The following KLHL13 variants were observed in gnomAD, a reference collection of about 807,000 sequenced individuals.
The protein encoded by KLHL13 is kelch-like protein 13.
A neutral mutation model predicts 37.1 loss-of-function variants in KLHL13; 10 were observed. The ratio of observed to expected loss-of-function variants is 0.27; its 90% CI spans 0.17 to 0.46. The LOEUF (loss-of-function observed/expected upper bound fraction) is 0.46. Ranked by LOEUF, KLHL13 falls within the 20% of genes least tolerant of loss-of-function variation. KLHL13 has a pLI of 1.00. For missense variants in KLHL13, 360 were observed against 509.3 expected (o/e 0.71, Z 2.82); for synonymous variants, 163 against 181.2 (o/e 0.90, Z 0.81).
In KLHL13 at chrX:117,920,374, C is replaced by T; in HGVS notation, c.241-4G>A. 1 of 1,202,392 alleles carries T rather than the reference C, an allele frequency of 8.3e-7. No individual in the cohort carries two copies. Among genetic ancestry groups the T allele is most frequent in the Non-Finnish European group, 1.1e-6 (1 of 892,332 alleles). ...CAAGTCGAAGCTGGTCAAAGCCCTA[C>T]AACAAGAACATGAGTTGAGTCACTA... On this transcript the variant is annotated splice_region_variant and splice_polypyrimidine_tract_variant and intron_variant, in intron 2 of 6. Coordinates refer to ENST00000262820, the Ensembl canonical transcript of KLHL13.
chrX:118,095,233 T>C (rs1476299109), intron 1 of KLHL13, among the ~76,000 whole-genome samples: 6 of 109,905 alleles, frequency 5.5e-5, no homozygotes, highest in Non-Finnish European at 1.1e-4. Flanking sequence ...AAGGCAGGGG[T>C]TGCAATCCTA....
chrX:117,909,492 T>C (rs1930820697), exon 5 of KLHL13: 2 of 1,210,992 alleles, frequency 1.7e-6, no homozygotes, highest in Non-Finnish European at 2.2e-6. Context: ...GCCAACCACA[T>C]AGAGAAAATT....
intron 1 of KLHL13, among the ~76,000 whole-genome samples, chrX:118,050,639 AT>A (rs1305127705): frequency 2.7e-5 from 3 of 111,041 alleles, no homozygotes; most frequent in African/African-American, 9.8e-5. Context: ...TAATTAAGGA[AT>A]TAAGAAATTA....
At chrX:118,108,157 A>C (rs1442596448) in intron 1 of KLHL13, among the ~76,000 whole-genome samples, 1 of 112,307 alleles carries the variant, frequency 8.9e-6, no homozygotes, top group Non-Finnish European at 1.9e-5. Context: ...ACCAAGAAAG[A>C]AAACTCTACA....
intron 1 of KLHL13, among the ~76,000 whole-genome samples, chrX:118,062,611 T>C (rs764541826): frequency 2.7e-4 from 30 of 110,832 alleles, no homozygotes; most frequent in African/African-American, 9.5e-4. Context: ...AGTTGGGCCC[T>C]CACAGTCATA....
chrX:118,022,848 G>A (rs1461457981), intron 1 of KLHL13, among the ~76,000 whole-genome samples: 1 of 111,056 alleles, frequency 9.0e-6, no homozygotes, highest in African/African-American at 3.3e-5. Flanking sequence ...GTCCCAACTT[G>A]TTTATTTTTG....
intron 1 of KLHL13, among the ~76,000 whole-genome samples, chrX:118,007,515 C>T (rs1454545884): frequency 9.0e-6 from 1 of 111,212 alleles, no homozygotes; most frequent in Non-Finnish European, 1.9e-5. Context: ...CATCCAGGCA[C>T]AGCTCTTCCT....
At chrX:118,028,246 A>C (rs1223157353) in intron 1 of KLHL13, among the ~76,000 whole-genome samples, 178 bp downstream of exon 2, 1 of 111,776 alleles carries the variant, frequency 8.9e-6, no homozygotes, top group Non-Finnish European at 1.9e-5. Context: ...CTCAGGAAAC[A>C]TTGTCACTAA....
chrX:118,048,013 A>G (rs2054576967), intron 1 of KLHL13, among the ~76,000 whole-genome samples: 1 of 111,366 alleles, frequency 9.0e-6, no homozygotes, highest in African/African-American at 3.3e-5. Flanking sequence ...ACAGAGAGGC[A>G]ACTGGAGACC....
chrX:118,101,249 A>G (rs539182207), intron 1 of KLHL13, among the ~76,000 whole-genome samples: 4 of 112,042 alleles, frequency 3.6e-5, no homozygotes, highest in Middle Eastern at 4.6e-3. Flanking sequence ...CAGTTTCCAG[A>G]TGGTAAATAG....
At chrX:118,115,034 A>G (rs1209013648) in intron 1 of KLHL13, among the ~76,000 whole-genome samples, 1 of 112,409 alleles carries the variant, frequency 8.9e-6, no homozygotes, top group Non-Finnish European at 1.9e-5. Flanking sequence ...CAATTAGTGC[A>G]CACTGTGTCA....
At chrX:117,996,217 A>G (rs2147956376) in intron 1 of KLHL13, among the ~76,000 whole-genome samples, 1 of 112,082 alleles carries the variant, frequency 8.9e-6, no homozygotes, top group South Asian at 3.8e-4. Flanking sequence ...TGAAAATACA[A>G]ATTTCAAATA....
intron 1 of KLHL13, among the ~76,000 whole-genome samples, chrX:118,066,658 A>G (rs1326012176): frequency 9.0e-6 from 1 of 111,387 alleles, no homozygotes; most frequent in African/African-American, 3.3e-5. Context: ...ATCAAATTAC[A>G]ATATTTTGTT....
chrX:117,969,462 C>T (rs760809348), intron 1 of KLHL13, among the ~76,000 whole-genome samples: 4 of 111,704 alleles, frequency 3.6e-5, no homozygotes, highest in African/African-American at 9.7e-5. Context: ...ATGGTTTGCA[C>T]CTGTCAGGGG....
chrX:118,070,862 C>T lies in KLHL13; in HGVS notation c.-56+45646G>A. Among the ~76,000 whole-genome samples, 4 of 109,608 alleles carry T rather than the reference C, an allele frequency of 3.6e-5. 2 individuals carry two copies. In the Middle Eastern group the frequency reaches 0.018, roughly 505 times the overall value. Reference sequence around the variant, plus strand: ...TGCTGGTGCACTGCACCCACTAGCTCGTCATCTAGCATTAGGTATATCCCC... The same window carrying T: ...TGCTGGTGCACTGCACCCACTAGCTTGTCATCTAGCATTAGGTATATCCCC... On this transcript the variant is annotated intron_variant, in intron 1 of 6. Coordinates refer to the KLHL13 transcript ENST00000371882.
At chrX:118,044,269 T>G (rs139405068) in intron 1 of KLHL13, among the ~76,000 whole-genome samples, 400 of 110,937 alleles carry the variant, frequency 3.6e-3, no homozygotes, top group African/African-American at 0.012. Flanking sequence ...TCTTCATGGA[T>G]TGGAGGAATC....
At chrX:118,019,332 TG>T (rs1310292974) in intron 1 of KLHL13, among the ~76,000 whole-genome samples, 1 of 111,368 alleles carries the variant, frequency 9.0e-6, no homozygotes, top group African/African-American at 3.3e-5. Context: ...CACTTTTTGA[TG>T]GGGTTGTTTG....
chrX:117,990,727 G>T (rs180904647), intron 1 of KLHL13, among the ~76,000 whole-genome samples: 1 of 111,474 alleles, frequency 9.0e-6, no homozygotes, highest in African/African-American at 3.3e-5. Context: ...ATATACAAAT[G>T]ACACACAAGA....
chrX:117,955,737 T>C (rs2053194799), intron 1 of KLHL13, among the ~76,000 whole-genome samples: 1 of 111,756 alleles, frequency 8.9e-6, no homozygotes. Context: ...AAAGTTATTG[T>C]CCCTTTTCTG....
Sources: gnomAD v4.1 joint callset for allele counts (sites outside exome capture counted in the v4.1 genomes callset) on GRCh38, gnomAD v4.1.1 for gene constraint, MANE v1.5 for transcripts, NCBI Gene and HGNC (gene_info 2026-07-23, HGNC 2026-07-21) for gene names.